The following ZNF521 variants were observed in gnomAD, a reference collection of about 807,000 sequenced individuals.
The protein encoded by ZNF521 is zinc finger protein 521.
A neutral mutation model predicts 105.5 loss-of-function variants in ZNF521; 14 were observed. That is an observed-to-expected ratio of 0.13 (90% CI 0.09 to 0.21). The LOEUF (loss-of-function observed/expected upper bound fraction) is 0.21, where lower values mean the gene tolerates loss of function less well. ZNF521 is among the 10% of genes least tolerant of loss of function. ZNF521 has a pLI of 1.00. For missense variants in ZNF521, 1,233 were observed against 1,629.7 expected, an observed-to-expected ratio of 0.76 and a Z score of 4.19; for synonymous variants, 635 against 606.0, an observed-to-expected ratio of 1.05 and a Z score of -0.70.
chr18:25,124,895 T>C (rs1016210583), intron 5 of ZNF521, among the ~76,000 whole-genome samples: 3 of 152,204 alleles, frequency 2.0e-5, no homozygotes, highest in African/African-American at 4.8e-5. Flanking sequence ...ATCCAAGCTA[T>C]GCTCACAGTA....
At chr18:25,212,981 G>A (rs2036219129) in intron 4 of ZNF521, among the ~76,000 whole-genome samples, 2 of 151,352 alleles carry the variant, frequency 1.3e-5, no homozygotes, top group Admixed American at 1.3e-4. Flanking sequence ...TATATTACCT[G>A]TATATGACAT....
chr18:25,114,818 C>A (rs2034271442), intron 5 of ZNF521, among the ~76,000 whole-genome samples: 1 of 152,154 alleles, frequency 6.6e-6, no homozygotes, highest in Non-Finnish European at 1.5e-5. Flanking sequence ...GTGATTAATA[C>A]AATTAATTAC....
chr18:25,170,015 T>G (rs1343149943), intron 5 of ZNF521, among the ~76,000 whole-genome samples: 2 of 152,158 alleles, frequency 1.3e-5, no homozygotes, highest in Non-Finnish European at 2.9e-5. Context: ...TCTTTCCCAA[T>G]AAACATTATT....
intron 5 of ZNF521, among the ~76,000 whole-genome samples, chr18:25,149,256 C>T (rs12458819): frequency 0.64 from 97,418 of 152,018 alleles, 31,413 homozygotes; most frequent in South Asian, 0.73. Context: ...TAAGGTGCTA[C>T]GATTGAATCA....
Position 25,224,904 on chromosome 18 carries a change from T to C in ZNF521, c.3014A>G (p.Glu1005Gly), listed in dbSNP as rs1395692310. 6.2e-7 allele frequency: 1 copy of C among 1,613,932 alleles called. No homozygotes were observed. Among genetic ancestry groups the C allele is most frequent in the Admixed American group, 1.7e-5 (1 of 60,010 alleles). The change falls in exon 4 of 8, where the codon GAG becomes GGG. Residue 1005 changes from glutamate (E) to glycine (G), a missense_variant. Physicochemically the swap from Glu to Gly is moderately conservative, Grantham distance 98 (BLOSUM62 -2). Around this residue, in one of 6 missense-constraint regions of ZNF521, gnomAD observed 614 missense variants for 751.5 expected, o/e 0.82. Coordinates refer to ENST00000361524, the MANE Select transcript of ZNF521 (RefSeq NM_015461.3). Reference sequence around the variant, plus strand: ...CAAGTCAGGGTGCATTTGGCAATGCTCTAAAAACTCCTCTTCACTCTGGAG... The same window carrying C: ...CAAGTCAGGGTGCATTTGGCAATGCCCTAAAAACTCCTCTTCACTCTGGAG... ...MPLQSEEEFLEHCQMHPDLRN... is the reference protein window; with the variant it reads ...MPLQSEEEFLGHCQMHPDLRN...
chr18:25,147,022 T>A (rs1388054591), intron 5 of ZNF521, among the ~76,000 whole-genome samples: 1 of 151,974 alleles, frequency 6.6e-6, no homozygotes, highest in Non-Finnish European at 1.5e-5. Context: ...GACCACAGGG[T>A]TTTCTGCTTT....
At chr18:25,244,282 G>GCACACACACACACA (rs57083520) in intron 3 of ZNF521, among the ~76,000 whole-genome samples, 1 of 147,336 alleles carries the variant, frequency 6.8e-6, no homozygotes, top group African/African-American at 2.5e-5. Flanking sequence ...GTATGCATGT[G>GCACACACACACACA]CACACACACA....
intron 4 of ZNF521, among the ~76,000 whole-genome samples, chr18:25,213,106 T>C (rs1238361483): frequency 6.7e-6 from 1 of 150,276 alleles, no homozygotes; most frequent in African/African-American, 2.4e-5. Flanking sequence ...GTAATTTTAG[T>C]TATAAAATAT....
Position 25,247,600 on chromosome 18 carries a change from G to A in ZNF521, c.221-19903C>T, listed in dbSNP as rs536328880. Among the ~76,000 whole-genome samples the A allele has an allele frequency of 4.6e-5, 7 of 152,290 alleles. No individual in the cohort carries two copies. The South Asian group carries it at 6.2e-4, about 14-fold the overall frequency. ...AGTTTCTCAGGCAACACTACAGCCA[G>A]GTTCAAGTGCCACTGGACTAGAACA... On this transcript the variant is annotated intron_variant, in intron 3 of 7. Transcript: ENST00000361524.
intron 3 of ZNF521, among the ~76,000 whole-genome samples, chr18:25,259,516 C>T (rs181055865): frequency 3.9e-5 from 6 of 152,178 alleles, no homozygotes; most frequent in East Asian, 1.9e-4. Flanking sequence ...GAGGGCACCA[C>T]GGGCGTAAAC....
intron 6 of ZNF521, 50 bp downstream of exon 6, chr18:25,091,900 A>C: frequency 6.2e-7 from 1 of 1,601,942 alleles, no homozygotes; most frequent in Non-Finnish European, 8.5e-7. Context: ...TAGGAAAGAC[A>C]TGATGTGGCC....
intron 3 of ZNF521, among the ~76,000 whole-genome samples, chr18:25,293,345 T>TACACAC (rs1491489026): frequency 1.2e-3 from 129 of 109,188 alleles, no homozygotes; most frequent in African/African-American, 5.0e-3. Context: ...CTTGCACATG[T>TACACAC]ACACATACAC....
intron 2 of ZNF521, among the ~76,000 whole-genome samples, chr18:25,331,188 C>G (rs1598481711): frequency 6.6e-6 from 1 of 152,152 alleles, no homozygotes; most frequent in Non-Finnish European, 1.5e-5. Context: ...TAGTTCCATG[C>G]TCAATCTTAA....
intron 4 of ZNF521, among the ~76,000 whole-genome samples, chr18:25,203,702 G>C (rs1196861129): frequency 1.3e-5 from 2 of 152,174 alleles, no homozygotes; most frequent in Admixed American, 1.3e-4. Flanking sequence ...TTAGAAGATT[G>C]CTTCTGGCCA....
chr18:25,223,247 G>A (rs1823708410), intron 4 of ZNF521, among the ~76,000 whole-genome samples: 1 of 152,182 alleles, frequency 6.6e-6, no homozygotes, highest in South Asian at 2.1e-4. Context: ...AGATTTACTT[G>A]GGGAGGGGAG....
intron 5 of ZNF521, among the ~76,000 whole-genome samples, chr18:25,103,011 T>C (rs2033997721): frequency 6.6e-6 from 1 of 152,148 alleles, no homozygotes; most frequent in Non-Finnish European, 1.5e-5. Context: ...AAAGTCTCTC[T>C]CACCCCTTGA....
intron 2 of ZNF521, among the ~76,000 whole-genome samples, chr18:25,340,995 T>C (rs769621610): frequency 6.6e-6 from 1 of 152,200 alleles, no homozygotes. Context: ...CTATATGATG[T>C]TGGAGGAGGC....
Position 25,322,334 on chromosome 18 carries a change from T to C in ZNF521, c.41-147A>G. Reference sequence around the variant, plus strand: ...CATTGCAGATTTTATTACAGGAGAATCAAAAGTGAGCCTCTCCTAAAATTA... The same window carrying C: ...CATTGCAGATTTTATTACAGGAGAACCAAAAGTGAGCCTCTCCTAAAATTA... On this transcript the variant is annotated intron_variant, in intron 2 of 7. Coordinates refer to ENST00000361524, the MANE Select transcript of ZNF521 (RefSeq NM_015461.3). The C allele has an allele frequency of 6.0e-6, 5 of 830,646 alleles. No individual in the cohort carries two copies. In the South Asian group the frequency reaches 6.7e-5, roughly 11 times the overall value. 51.5% of individuals were successfully genotyped at this position (830,646 alleles called of 1,614,324 possible). A position where few individuals can be genotyped will look rare whatever the true frequency, so the allele number is the denominator to read the frequency against.
In ZNF521 at chr18:25,336,276, C is replaced by T. The variant is rs139620852; in HGVS notation, c.41-14089G>A. Among the ~76,000 whole-genome samples the T allele has an allele frequency of 2.2e-4, 33 of 152,184 alleles. No homozygotes were observed. The East Asian group carries it at 5.8e-3, about 27-fold the overall frequency. ...AAATTTACTGATGACTGAGGTGATG[C>T]AGAAAATCATCCCCTCGTTCCACTA... On this transcript the variant is annotated intron_variant, in intron 2 of 7. Transcript: ENST00000361524.
Sources: allele counts gnomAD v4.1 joint callset (sites outside exome capture counted in the v4.1 genomes callset), GRCh38; gene constraint gnomAD v4.1.1; regional missense constraint gnomAD v4.1.1; transcripts MANE v1.5; gene names NCBI Gene and HGNC (gene_info 2026-07-23, HGNC 2026-07-21).